The following CC2D2B variants were observed in gnomAD, a reference collection of about 807,000 sequenced individuals.
The protein encoded by CC2D2B is coiled-coil and C2 domain containing 2B.
CC2D2B carries 128 observed loss-of-function variants against 161.2 expected under a neutral mutation model. That is an observed-to-expected ratio of 0.79 (90% CI 0.69 to 0.92). The LOEUF is 0.92. Among genes scored for constraint, CC2D2B ranks in the 40% least tolerant of loss-of-function variants. The pLI is 0.00. For synonymous variants in CC2D2B, 391 were observed against 449.8 expected, an observed-to-expected ratio of 0.87 and a Z score of 1.65; for missense variants, 1,173 against 1,375.1, an observed-to-expected ratio of 0.85 and a Z score of 2.32.
intron 14 of CC2D2B, among the ~76,000 whole-genome samples, chr10:95,966,628 G>GT (rs943485866): frequency 2.6e-5 from 4 of 152,000 alleles, no homozygotes; most frequent in East Asian, 1.9e-4. Context: ...AATTTGCAGG[G>GT]TTTTTTTGTT....
chr10:95,918,367 C>T (rs561500398), intron 2 of CC2D2B, among the ~76,000 whole-genome samples: 9 of 152,224 alleles, frequency 5.9e-5, no homozygotes, highest in East Asian at 3.9e-4. Context: ...TCATCTTTGA[C>T]GATATTTTCA....
At chr10:96,016,458 G>T (rs1406453675) in intron 30 of CC2D2B, 144 bp downstream of exon 30, 3 of 619,484 alleles carry the variant, frequency 4.8e-6, no homozygotes, top group Non-Finnish European at 8.6e-6. Flanking sequence ...TAGTTAAGAG[G>T]ATAATGTTGG....
At position 95,972,126 on chromosome 10, in the gene CC2D2B, T is replaced by C. The variant is rs1008221405; in HGVS notation, c.1705T>C (p.Tyr569His). ...AAAACTATATATACCTTTACCTAAC[T>C]ACACAGAGCTGAAAGGCAAAACCGC... ...LAKLYIPLPN[Y>H]TELKGKTALQ... Residue 569 changes from tyrosine (Y) to histidine (H), a missense_variant, in exon 16 of 35, where the codon TAC (tyrosine) becomes CAC (histidine). This residue lies in a region of CC2D2B where 277 missense variants were observed against 420.6 expected (regional missense o/e 0.66). Coordinates refer to ENST00000646931, the MANE Select transcript of CC2D2B (RefSeq NM_001349008.3). The C allele has an allele frequency of 8.1e-7, 1 of 1,231,308 alleles. No homozygotes were observed. The highest frequency in any genetic ancestry group is 1.0e-6 in the Non-Finnish European group (1 of 987,220). 76.3% of individuals were successfully genotyped at this position (1,231,308 alleles called of 1,614,324 possible).
intron 10 of CC2D2B, among the ~76,000 whole-genome samples, chr10:95,953,402 T>C (rs529060273): frequency 1.3e-5 from 2 of 152,228 alleles, no homozygotes; most frequent in South Asian, 4.1e-4. Flanking sequence ...AAGGTCTTGC[T>C]GTATTGCCAG....
chr10:95,924,233 T>C, intron 3 of CC2D2B, 81 bp from the exon 4 acceptor site: 2 of 711,024 alleles, frequency 2.8e-6, no homozygotes, highest in Non-Finnish European at 4.5e-6. Flanking sequence ...AATTAAAGAA[T>C]TTAATAAATA....
At chr10:95,943,620 G>T (rs2076096467) in intron 9 of CC2D2B, among the ~76,000 whole-genome samples, 1 of 151,980 alleles carries the variant, frequency 6.6e-6, no homozygotes, top group Non-Finnish European at 1.5e-5. Flanking sequence ...ATTTTCTTGA[G>T]ATATATTTAG....
chr10:96,032,032 G>T lies in CC2D2B; in HGVS notation c.*24G>T. The T allele has an allele frequency of 6.3e-7, 1 of 1,583,532 alleles. No individual in the cohort carries two copies. The highest frequency in any genetic ancestry group is 1.3e-5 in the African/African-American group (1 of 74,312). On this transcript the variant is annotated 3_prime_UTR_variant, in exon 35 of 35. Transcript: ENST00000646931. Reference sequence around the variant, plus strand: ...GAAAAGGAAGCAGAGCAAAGTAAAAGATTGTACTATAGTCCTCTAGTACCA... The same window carrying T: ...GAAAAGGAAGCAGAGCAAAGTAAAATATTGTACTATAGTCCTCTAGTACCA...
intron 11 of CC2D2B, among the ~76,000 whole-genome samples, chr10:95,957,067 C>G (rs551722159): frequency 6.6e-6 from 1 of 152,258 alleles, no homozygotes; most frequent in South Asian, 2.1e-4. Flanking sequence ...AATGTCAGCT[C>G]TTAGCACAGT....
chr10:96,024,421 T>C (rs1270894080), intron 32 of CC2D2B, among the ~76,000 whole-genome samples: 1 of 152,232 alleles, frequency 6.6e-6, no homozygotes, highest in Non-Finnish European at 1.5e-5. Context: ...TTTACATGTA[T>C]TACTTTATTT....
chr10:95,956,379 AATAAT>A (rs1464355629), intron 11 of CC2D2B, among the ~76,000 whole-genome samples: 1 of 152,146 alleles, frequency 6.6e-6, no homozygotes, highest in Non-Finnish European at 1.5e-5. Flanking sequence ...AAATATAGAA[AATAAT>A]ATAACTTTTT....
intron 32 of CC2D2B, chr10:96,021,151 C>T (rs1003848453): frequency 6.6e-6 from 1 of 152,182 alleles, no homozygotes; most frequent in African/African-American, 2.4e-5. Context: ...GTGGTGGAAG[C>T]ACACATTTCT....
At chr10:95,957,878 A>C (rs561417024) in intron 11 of CC2D2B, among the ~76,000 whole-genome samples, 1 of 151,712 alleles carries the variant, frequency 6.6e-6, no homozygotes, top group Non-Finnish European at 1.5e-5. Flanking sequence ...AAAAAAAAAA[A>C]AATAACAATA....
intron 34 of CC2D2B, among the ~76,000 whole-genome samples, chr10:96,028,120 A>G (rs2079862881): frequency 6.6e-6 from 1 of 152,194 alleles, no homozygotes; most frequent in African/African-American, 2.4e-5. Flanking sequence ...GCAACCAAAG[A>G]AAAAATGGAC....
At chr10:96,003,021 A>T (rs868088431) in intron 24 of CC2D2B, among the ~76,000 whole-genome samples, 41 of 140,704 alleles carry the variant, frequency 2.9e-4, no homozygotes, top group East Asian at 1.6e-3. Flanking sequence ...AAAATAAATA[A>T]ATATATATAT....
At chr10:95,998,843 C>T (rs2078339418) in intron 24 of CC2D2B, among the ~76,000 whole-genome samples, 2 of 152,126 alleles carry the variant, frequency 1.3e-5, no homozygotes, top group African/African-American at 4.8e-5. Flanking sequence ...AGGCCAGGTG[C>T]AGTGGCTCAC....
Position 95,995,361 on chromosome 10 carries a change from ATGAGG to A in CC2D2B, c.2737_2739+2del. 1 of 1,467,312 alleles carries A rather than the reference ATGAGG, an allele frequency of 6.8e-7. No homozygotes were observed. The highest frequency in any genetic ancestry group is 9.2e-7 in the Non-Finnish European group (1 of 1,088,400). The allele number at this position is 1,467,312 out of a possible 1,614,324, so 90.9% of individuals were successfully genotyped here. A position where few individuals can be genotyped will look rare whatever the true frequency, so the allele number is the denominator to read the frequency against. ...TCAGTAGCCTCAGATGAGACCTTAC[ATGAGG>A]TAAGTATTTAACACTTCTATAAAGT... On this transcript the variant is annotated splice_donor_variant and coding_sequence_variant, in exon 23 of 35. Transcript: ENST00000646931. LOFTEE classifies it high-confidence loss of function.
intron 30 of CC2D2B, among the ~76,000 whole-genome samples, chr10:96,017,741 G>A (rs953795401): frequency 2.7e-5 from 4 of 150,910 alleles, no homozygotes; most frequent in African/African-American, 9.8e-5. Flanking sequence ...GATCAGCCTG[G>A]ATAACACAGG....
chr10:96,021,921 A>G (rs1046457265), intron 32 of CC2D2B, among the ~76,000 whole-genome samples: 21 of 152,228 alleles, frequency 1.4e-4, no homozygotes, highest in African/African-American at 5.1e-4. Context: ...TCATTACATT[A>G]TTCTCTATGT....
At chr10:96,012,975 A>G (rs879886916) in intron 28 of CC2D2B, among the ~76,000 whole-genome samples, 2 of 152,176 alleles carry the variant, frequency 1.3e-5, no homozygotes, top group Non-Finnish European at 2.9e-5. Flanking sequence ...GTGTCCTGAC[A>G]CCCAATATCC....
Sources: gnomAD v4.1 joint callset for allele counts (sites outside exome capture counted in the v4.1 genomes callset) on GRCh38, gnomAD v4.1.1 for gene constraint, gnomAD v4.1.1 regional missense constraint, MANE v1.5 for transcripts, NCBI Gene and HGNC (gene_info 2026-07-23, HGNC 2026-07-21) for gene names.